Variants in GSN observed in about 807,000 individuals in gnomAD.
GSN encodes the protein actin-depolymerizing factor.
GSN carries 56 observed loss-of-function variants against 85.7 expected under a neutral mutation model. The ratio of observed to expected loss-of-function variants is 0.65; its 90% confidence interval spans 0.53 to 0.82. GSN has a LOEUF of 0.82. Ranked by LOEUF, GSN falls within the 40% of genes least tolerant of loss-of-function variation. The pLI, the probability that GSN is intolerant of heterozygous loss-of-function variation, is 0.00. For synonymous variants in GSN, 373 were observed against 399.1 expected, an observed-to-expected ratio of 0.93 and a Z score of 0.78; for missense variants, 857 against 979.8, an observed-to-expected ratio of 0.87 and a Z score of 1.67.
At chr9:121,215,149 G>T (rs2054037142) in intron 4 of GSN, among the ~76,000 whole-genome samples, 1 of 151,268 alleles carries the variant, frequency 6.6e-6, no homozygotes, top group African/African-American at 2.4e-5. Context: ...TCATATGGCT[G>T]TCTTCTCCCT....
At chr9:121,221,010 TG>T (rs2054159254) in intron 4 of GSN, among the ~76,000 whole-genome samples, 2 of 152,212 alleles carry the variant, frequency 1.3e-5, no homozygotes, top group African/African-American at 4.8e-5. Flanking sequence ...GCCTCAGGCT[TG>T]GGAACAGTGT....
chr9:121,279,301 T>C (rs2057048513), intron 1 of GSN, among the ~76,000 whole-genome samples: 1 of 152,138 alleles, frequency 6.6e-6, no homozygotes, highest in African/African-American at 2.4e-5. Flanking sequence ...TTGGACTTTA[T>C]CTGGGGCCAT....
intron 4 of GSN, among the ~76,000 whole-genome samples, chr9:121,303,496 C>T (rs2060112849): frequency 6.6e-6 from 1 of 152,240 alleles, no homozygotes; most frequent in South Asian, 2.1e-4. Context: ...TCACATCCCT[C>T]TTTCTGTTCA....
At chr9:121,228,441 T>A (rs1266641550) in intron 4 of GSN, among the ~76,000 whole-genome samples, 1,620 of 128,132 alleles carry the variant, frequency 0.013, 120 homozygotes, top group African/African-American at 0.049. Context: ...TTTTTTTTTT[T>A]TTTTTTTTTT....
intron 7 of GSN, among the ~76,000 whole-genome samples, chr9:121,316,567 C>T: frequency 6.6e-6 from 1 of 152,098 alleles, no homozygotes; most frequent in Non-Finnish European, 1.5e-5. Flanking sequence ...ACATCCTGGG[C>T]TCAAGTGATC....
intron 4 of GSN, among the ~76,000 whole-genome samples, chr9:121,303,742 G>C (rs2060136291): frequency 6.6e-6 from 1 of 152,184 alleles, no homozygotes; most frequent in Non-Finnish European, 1.5e-5. Flanking sequence ...ATTTGGTGTG[G>C]GGGTGGCTGG....
At chr9:121,228,326 C>G (rs905200017) in intron 4 of GSN, among the ~76,000 whole-genome samples, 1 of 149,582 alleles carries the variant, frequency 6.7e-6, no homozygotes, top group Non-Finnish European at 1.5e-5. Flanking sequence ...ACTGTTACCC[C>G]CCAGTTCTAT....
chr9:121,273,627 C>T (rs1464017628), intron 1 of GSN, among the ~76,000 whole-genome samples: 1 of 151,888 alleles, frequency 6.6e-6, no homozygotes, highest in Non-Finnish European at 1.5e-5. Flanking sequence ...TTTTTTTTAC[C>T]CCCACACAAT....
chr9:121,316,098 A>G (rs1385912384), intron 7 of GSN, among the ~76,000 whole-genome samples: 3 of 152,240 alleles, frequency 2.0e-5, no homozygotes, highest in Non-Finnish European at 4.4e-5. Flanking sequence ...AATTACTGTC[A>G]TCAGGGATCT....
intron 7 of GSN, 83 bp from the exon 8 acceptor site, chr9:121,317,003 G>A (rs982580369): frequency 2.5e-6 from 4 of 1,575,476 alleles, no homozygotes; most frequent in Non-Finnish European, 2.6e-6. Context: ...TTTGGGACAG[G>A]GGGTGGGGCA....
At chr9:121,294,583 C>A (rs907856525) in intron 2 of GSN, among the ~76,000 whole-genome samples, 1 of 152,194 alleles carries the variant, frequency 6.6e-6, no homozygotes, top group African/African-American at 2.4e-5. Context: ...GTCCCTGAGA[C>A]AGTTGGTCTC....
chr9:121,217,545 T>C (rs2054088136), intron 4 of GSN, among the ~76,000 whole-genome samples: 2 of 151,832 alleles, frequency 1.3e-5, no homozygotes. Flanking sequence ...AACCCTCCAA[T>C]AGGCCCCTAA....
intron 4 of GSN, among the ~76,000 whole-genome samples, chr9:121,216,580 C>A (rs532886886): frequency 1.8e-4 from 27 of 152,312 alleles, no homozygotes; most frequent in African/African-American, 6.3e-4. Flanking sequence ...AGCTCAAAAG[C>A]CACTTCCTCT....
chr9:121,306,105 C>T (rs1318960642), intron 4 of GSN, among the ~76,000 whole-genome samples: 6 of 152,134 alleles, frequency 3.9e-5, no homozygotes, highest in Non-Finnish European at 5.9e-5. Context: ...ACTCCGCAGA[C>T]CCCCATTTTT....
chr9:121,313,781 T>A (rs2061423764), intron 6 of GSN, 153 bp from the exon 7 acceptor site: 2 of 694,224 alleles, frequency 2.9e-6, no homozygotes, highest in African/African-American at 3.5e-5. Flanking sequence ...TCTGGACATG[T>A]GAGCAGATGC....
At chr9:121,281,307 G>A (rs2057336865) in intron 1 of GSN, 163 bp from the exon 2 acceptor site, 1 of 285,590 alleles carries the variant, frequency 3.5e-6, no homozygotes, top group South Asian at 3.4e-5. Context: ...AGCAGGTCTT[G>A]CAGCCTTGGC....
chr9:121,304,260 G>A (rs140529308), intron 4 of GSN, among the ~76,000 whole-genome samples: 2 of 152,364 alleles, frequency 1.3e-5, no homozygotes, highest in African/African-American at 4.8e-5. Flanking sequence ...GGAACTCACA[G>A]TCCAGGGCTG....
chr9:121,267,031 CTTGTG>C (rs2055242106), upstream of GSN, among the ~76,000 whole-genome samples: 1 of 152,154 alleles, frequency 6.6e-6, no homozygotes, highest in Admixed American at 6.5e-5. Context: ...TACATTTTAC[CTTGTG>C]TTAAGAGGGA....
At position 121,312,456 on chromosome 9, in the gene GSN, G is replaced by C. The variant is rs369788495; in HGVS notation, c.631G>C (p.Glu211Gln). ...TGGCCGGGCCCGAGTGCACGTGTCT[G>C]AGGAGGGCACTGAGCCCGAGGCGAT... ...RSGRARVHVS[E>Q]EGTEPEAMLQ... The change falls in exon 6 of 18, where the codon GAG (glutamate) becomes CAG (glutamine). Residue 211 changes from glutamate (E) to glutamine (Q), a missense_variant. Coordinates refer to ENST00000432226, the MANE Select transcript of GSN (RefSeq NM_198252.3). 7.5e-4 allele frequency: 1,215 copies of C among 1,613,988 alleles called. 19 individuals are homozygous for C. In the South Asian group the frequency reaches 0.012, roughly 16 times the overall value.
Sources: gnomAD v4.1 joint callset for allele counts (sites outside exome capture counted in the v4.1 genomes callset) on GRCh38, gnomAD v4.1.1 for gene constraint, MANE v1.5 for transcripts, NCBI Gene and HGNC (gene_info 2026-07-23, HGNC 2026-07-21) for gene names.